The following PCDHGA2 variants were observed in gnomAD, a reference collection of about 807,000 sequenced individuals.
PCDHGA2 encodes the protein protocadherin gamma subfamily A, 2.
PCDHGA2 carries 40 observed loss-of-function variants against 59.2 expected under a neutral mutation model. The observed-to-expected ratio is 0.68, with a 90% confidence interval of 0.52 to 0.88. The LOEUF is 0.88. Ranked by LOEUF, PCDHGA2 falls within the 40% of genes least tolerant of loss-of-function variation. PCDHGA2 has a pLI of 0.00. For missense variants in PCDHGA2, 1,226 were observed against 1,204.0 expected, an observed-to-expected ratio of 1.02 and a Z score of -0.27; for synonymous variants, 560 against 526.0, an observed-to-expected ratio of 1.06 and a Z score of -0.89.
intron 1 of PCDHGA2, among the ~76,000 whole-genome samples, chr5:141,405,955 C>T (rs116457023): frequency 0.015 from 2,244 of 152,168 alleles, 22 homozygotes; most frequent in Admixed American, 0.035. Flanking sequence ...TAATAATTAA[C>T]CTGCTGTCAA....
At chr5:141,361,098 A>G (rs1345076438) in intron 1 of PCDHGA2, 1 of 1,614,016 alleles carries the variant, frequency 6.2e-7, no homozygotes, top group East Asian at 2.2e-5. Context: ...GTATCGAAGC[A>G]AAAGATCCTG....
chr5:141,465,490 G>A (rs917234604), intron 1 of PCDHGA2, among the ~76,000 whole-genome samples: 9 of 152,170 alleles, frequency 5.9e-5, no homozygotes, highest in East Asian at 1.9e-4. Flanking sequence ...AGGAATGAGC[G>A]GGAGCATTGT....
In PCDHGA2 at chr5:141,340,907, A is replaced by G. The variant is rs148082357; in HGVS notation, c.1936A>G (p.Ile646Val). 10,574 of 1,608,752 alleles carry G rather than the reference A, an allele frequency of 6.6e-3. 87 individuals are homozygous for G. Among genetic ancestry groups the G allele is most frequent in the Non-Finnish European group, 7.7e-3 (9,029 of 1,175,520 alleles). ...DALKQSLVVA[I>V]QDHGQPPLSA... ...GCTCAAGCAGAGCCTCGTGGTGGCC[A>G]TCCAGGACCACGGCCAGCCCCCTCT... The change falls in exon 1 of 4, where the codon ATC (isoleucine) becomes GTC (valine). Residue 646 changes from isoleucine to valine, a missense_variant. Transcript: ENST00000394576.
intron 1 of PCDHGA2, chr5:141,418,256 T>C: frequency 1.2e-6 from 2 of 1,614,046 alleles, no homozygotes; most frequent in Non-Finnish European, 1.7e-6. Context: ...CGCCCCTCAA[T>C]TCCGGAAAGA....
intron 1 of PCDHGA2, among the ~76,000 whole-genome samples, chr5:141,425,078 G>A (rs1196415752): frequency 3.9e-5 from 6 of 152,112 alleles, no homozygotes; most frequent in Admixed American, 6.5e-5. Flanking sequence ...AATTTCAACT[G>A]TAGGAAAGGC....
intron 1 of PCDHGA2, chr5:141,390,412 C>A: frequency 8.3e-7 from 1 of 1,206,056 alleles, no homozygotes; most frequent in Admixed American, 2.5e-5. Flanking sequence ...AAGTTGTAGT[C>A]AGTTAAAAAG....
At position 141,473,311 on chromosome 5, in the gene PCDHGA2, A is replaced by G. The variant is rs139053997; in HGVS notation, c.2425-21496A>G. On this transcript the variant is annotated intron_variant, in intron 1 of 3. Coordinates refer to ENST00000394576, the MANE Select transcript of PCDHGA2 (RefSeq NM_018915.4). ...TCAGTAGCATAAAGATTGCTATATTAATAAGCATTAAGTGCCTGCTGTGCT... is the reference window on the plus strand; with the variant it reads ...TCAGTAGCATAAAGATTGCTATATTGATAAGCATTAAGTGCCTGCTGTGCT... Among the ~76,000 whole-genome samples, 1,321 of 152,342 alleles carry G rather than the reference A, an allele frequency of 8.7e-3. 28 individuals carry two copies. Among genetic ancestry groups the G allele is most frequent in the African/African-American group, 0.03 (1,236 of 41,582 alleles).
At position 141,432,374 on chromosome 5, in the gene PCDHGA2, C is replaced by G; in HGVS notation, c.2425-62433C>G. The G allele has an allele frequency of 6.2e-7, 1 of 1,614,240 alleles. No individual in the cohort carries two copies. The highest frequency in any genetic ancestry group is 1.1e-5 in the South Asian group (1 of 91,082). ...GAAAGTGATGGCGCGGGACAACGGG[C>G]ACCCGCCCCTCAGCAGCAACGTGTC... On this transcript the variant is annotated intron_variant, in intron 1 of 3. Transcript: ENST00000394576. The surrounding 1 kb of genome is among the most constrained non-coding windows in gnomAD (Gnocchi z 6.0).
At chr5:141,345,221 A>C in intron 1 of PCDHGA2, 1 of 1,613,936 alleles carries the variant, frequency 6.2e-7, no homozygotes, top group Non-Finnish European at 8.5e-7. Context: ...AGTTAGAAAA[A>C]TCAATAGATC....
intron 1 of PCDHGA2, chr5:141,393,081 A>T (rs1005323306): frequency 6.2e-7 from 1 of 1,613,672 alleles, no homozygotes; most frequent in South Asian, 1.1e-5. Flanking sequence ...CGCGGGCAGG[A>T]TAGATCGGGA....
At chr5:141,398,632 A>G (rs1589336934) in intron 1 of PCDHGA2, 7 of 1,613,946 alleles carry the variant, frequency 4.3e-6, no homozygotes, top group Non-Finnish European at 5.1e-6. Context: ...CTCTCTGCAG[A>G]AGTATAAACT....
intron 1 of PCDHGA2, among the ~76,000 whole-genome samples, chr5:141,438,587 C>CAT (rs1372372472): frequency 1.4e-4 from 10 of 73,396 alleles, no homozygotes; most frequent in East Asian, 3.8e-4. Context: ...TACATACATA[C>CAT]ATACATATAT....
In PCDHGA2 at chr5:141,494,850, G is replaced by C. The variant is rs2099757124; in HGVS notation, c.2468G>C (p.Arg823Thr). 1.2e-6 allele frequency: 2 copies of C among 1,614,124 alleles called. No individual in the cohort carries two copies. The highest frequency in any genetic ancestry group is 1.7e-6 in the Non-Finnish European group (2 of 1,180,018). Reference protein sequence around the residue: ...NTDWRFSQAQRPGTSGSQNGD... With the variant: ...NTDWRFSQAQTPGTSGSQNGD... ...GACTGGCGTTTCTCTCAGGCCCAGA[G>C]ACCCGGCACCAGCGGGTAGGTGACT... is the stretch of plus-strand genomic sequence containing the variant. The change falls in exon 2 of 4, where the codon AGA becomes ACA. Residue 823 changes from arginine to threonine, a missense_variant. Physicochemically the swap from Arg to Thr is moderately conservative, Grantham distance 71. Transcript: ENST00000394576.
intron 1 of PCDHGA2, among the ~76,000 whole-genome samples, chr5:141,455,998 T>C (rs1301217416): frequency 2.6e-5 from 4 of 151,692 alleles, no homozygotes; most frequent in Non-Finnish European, 4.4e-5. Flanking sequence ...CTCGGGTTCA[T>C]GCCATTCTCC....
intron 1 of PCDHGA2, chr5:141,364,610 G>A (rs772530649): frequency 1.2e-6 from 2 of 1,614,152 alleles, no homozygotes; most frequent in South Asian, 1.1e-5. Context: ...AGACCGGGAG[G>A]AGCTCTGCGC....
chr5:141,400,372 A>T, intron 1 of PCDHGA2: 1 of 1,613,980 alleles, frequency 6.2e-7, no homozygotes, highest in South Asian at 1.1e-5. Flanking sequence ...TTATTCCTAC[A>T]ACCTATGTGT....
intron 1 of PCDHGA2, chr5:141,362,758 C>A: frequency 1.5e-6 from 1 of 649,730 alleles, no homozygotes. Flanking sequence ...AAACCTTTAT[C>A]ACATGAGATA....
chr5:141,394,529 C>T, intron 1 of PCDHGA2: 2 of 1,614,216 alleles, frequency 1.2e-6, no homozygotes, highest in Non-Finnish European at 8.5e-7. Flanking sequence ...CAGACGGTTC[C>T]ACTGGCGTGG....
chr5:141,395,521 T>G, intron 1 of PCDHGA2: 7 of 388,350 alleles, frequency 1.8e-5, no homozygotes, highest in East Asian at 5.0e-5. Flanking sequence ...TACCCGTCCA[T>G]ACTGGTAATT....
Sources: gnomAD v4.1 joint callset for allele counts (sites outside exome capture counted in the v4.1 genomes callset) on GRCh38, gnomAD v4.1.1 for gene constraint, Gnocchi (gnomAD v3.1) non-coding constraint, MANE v1.5 for transcripts, NCBI Gene and HGNC (gene_info 2026-07-23, HGNC 2026-07-21) for gene names.